Variants in TMEM63C observed in about 807,000 individuals in gnomAD.
TMEM63C encodes the protein transmembrane protein 63C, also known as osmosensitive cation channel TMEM63C.
In TMEM63C, 32 loss-of-function variants were observed where a neutral mutation model predicts 99.2. The observed-to-expected ratio is 0.32, with a 90% CI of 0.24 to 0.43. The LOEUF (loss-of-function observed/expected upper bound fraction) is 0.43. Ranked by LOEUF, TMEM63C falls within the 20% of genes least tolerant of loss-of-function variation. The pLI, the probability that TMEM63C is intolerant of heterozygous loss-of-function variation, is 1.00. For missense variants in TMEM63C, 826 were observed against 1,053.0 expected (o/e 0.78, Z 2.98); for synonymous variants, 376 against 397.9 (o/e 0.94, Z 0.66).
intron 13 of TMEM63C, among the ~76,000 whole-genome samples, 164 bp downstream of exon 13, chr14:77,240,772 G>C (rs987215582): frequency 2.6e-5 from 4 of 152,138 alleles, no homozygotes; most frequent in Admixed American, 2.0e-4. Flanking sequence ...GGCCATACCT[G>C]CTTCCCCCAG....
intron 6 of TMEM63C, among the ~76,000 whole-genome samples, chr14:77,227,652 G>A (rs1888853087): frequency 6.6e-6 from 1 of 152,218 alleles, no homozygotes; most frequent in Non-Finnish European, 1.5e-5. Context: ...GGAGGAAGAG[G>A]CATCCTCTGG....
rs759222184 is a variant in TMEM63C, at chr14:77,256,507, C to A, written c.2221-19C>A. On this transcript the variant is annotated intron_variant, in intron 23 of 23. Coordinates refer to ENST00000298351, the MANE Select transcript of TMEM63C (RefSeq NM_020431.4). ...CCCAACGTGACCTTGCTCCTGTCCC[C>A]TGTCTCTATCCCAAGCAGCTGTATG... The A allele has an allele frequency of 6.2e-7, 1 of 1,613,528 alleles. No homozygotes were observed. The highest frequency in any genetic ancestry group is 8.5e-7 in the Non-Finnish European group (1 of 1,179,764).
intron 1 of TMEM63C, among the ~76,000 whole-genome samples, chr14:77,186,271 C>T (rs747575136): frequency 1.3e-5 from 2 of 152,148 alleles, no homozygotes; most frequent in African/African-American, 2.4e-5. Context: ...TCTCAGCCTC[C>T]CAAAGTGCTG....
At chr14:77,252,713 C>T (rs1458967568) in intron 22 of TMEM63C, among the ~76,000 whole-genome samples, 2 of 152,198 alleles carry the variant, frequency 1.3e-5, no homozygotes, top group African/African-American at 2.4e-5. Context: ...AGGAGGGACT[C>T]GGAGGAGGAT....
intron 1 of TMEM63C, among the ~76,000 whole-genome samples, chr14:77,193,385 G>A (rs1290799770): frequency 1.3e-5 from 2 of 152,164 alleles, no homozygotes; most frequent in East Asian, 1.9e-4. Context: ...CCTCATATAT[G>A]TGCACAAAGA....
At chr14:77,220,116 G>A (rs920044731) in intron 5 of TMEM63C, 29 bp downstream of exon 5, 6 of 1,547,044 alleles carry the variant, frequency 3.9e-6, no homozygotes, top group African/African-American at 1.4e-5. Context: ...CTGGGCGGTG[G>A]GAGTCCCAGC....
chr14:77,239,333 C>A, intron 10 of TMEM63C, 79 bp from the exon 11 acceptor site: 2 of 1,472,226 alleles, frequency 1.4e-6, no homozygotes, highest in South Asian at 1.2e-5. Context: ...GCCCTCAGGG[C>A]CGACATGCTG....
intron 1 of TMEM63C, among the ~76,000 whole-genome samples, chr14:77,195,425 T>C (rs1344616097): frequency 6.6e-6 from 1 of 152,192 alleles, no homozygotes; most frequent in African/African-American, 2.4e-5. Flanking sequence ...TTTTCTGCCC[T>C]TTCCCAGTGT....
At chr14:77,254,795 A>G (rs1366818788) in intron 23 of TMEM63C, among the ~76,000 whole-genome samples, 1 of 152,232 alleles carries the variant, frequency 6.6e-6, no homozygotes, top group Non-Finnish European at 1.5e-5. Context: ...CTATATGAAC[A>G]TCGCACATCA....
chr14:77,204,653 C>A (rs567767163), intron 1 of TMEM63C, among the ~76,000 whole-genome samples: 1 of 152,320 alleles, frequency 6.6e-6, no homozygotes, highest in East Asian at 1.9e-4. Flanking sequence ...CCGTCTGCTA[C>A]GTCATCCCGT....
In TMEM63C at chr14:77,243,018, G is replaced by T; in HGVS notation, c.1303G>T (p.Asp435Tyr). The stretch of plus-strand genomic sequence containing the variant: ...GCCTGCCATCATCATGAACACTATC[G>T]ACATGTACAACGTCACCCGCCCCAT... ...TTPAIIMNTI[D>Y]MYNVTRPIEK... The change falls in exon 15 of 24, where the codon GAC (aspartate) becomes TAC (tyrosine). Residue 435 changes from aspartate to tyrosine, a missense_variant. Transcript: ENST00000298351. 6.2e-7 allele frequency: 1 copy of T among 1,613,748 alleles called. No individual in the cohort carries two copies. Among genetic ancestry groups the T allele is most frequent in the Non-Finnish European group, 8.5e-7 (1 of 1,179,866 alleles).
intron 1 of TMEM63C, among the ~76,000 whole-genome samples, chr14:77,199,014 G>A (rs1888254575): frequency 6.6e-6 from 1 of 152,190 alleles, no homozygotes; most frequent in African/African-American, 2.4e-5. Context: ...TTCAAATGGG[G>A]CAGATAATGA....
At chr14:77,215,169 C>T (rs923404459) in intron 2 of TMEM63C, among the ~76,000 whole-genome samples, 2 of 152,144 alleles carry the variant, frequency 1.3e-5, no homozygotes, top group Non-Finnish European at 2.9e-5. Flanking sequence ...GGCAATCCTG[C>T]TCCATTTCCG....
intron 1 of TMEM63C, among the ~76,000 whole-genome samples, chr14:77,197,045 T>C (rs1362617293): frequency 6.6e-6 from 1 of 152,190 alleles, no homozygotes; most frequent in African/African-American, 2.4e-5. Context: ...TAAGTGAGGC[T>C]TTCTTCCCTA....
chr14:77,229,971 A>C (rs1888906718), intron 6 of TMEM63C, among the ~76,000 whole-genome samples: 1 of 151,986 alleles, frequency 6.6e-6, no homozygotes, highest in African/African-American at 2.4e-5. Flanking sequence ...AGGCCGAGGC[A>C]GGCGGATCCC....
At chr14:77,194,433 CT>C (rs2140092570) in intron 1 of TMEM63C, among the ~76,000 whole-genome samples, 1 of 148,754 alleles carries the variant, frequency 6.7e-6, no homozygotes, top group Non-Finnish European at 1.5e-5. Flanking sequence ...GGAAATGATA[CT>C]TATGTTGGAG....
Position 77,229,672 on chromosome 14 carries a change from G to A in TMEM63C, c.351-1916G>A, listed in dbSNP as rs1219491930. On this transcript the variant is annotated intron_variant, in intron 6 of 23. Transcript: ENST00000298351. ...TCACCATGTTGCCCAGGCTGGTCTCGAACTGCTGGGCTCAAGCAATCCACC... is the reference window on the plus strand; with the variant it reads ...TCACCATGTTGCCCAGGCTGGTCTCAAACTGCTGGGCTCAAGCAATCCACC... Among the ~76,000 whole-genome samples, 36 of 146,664 alleles carry A rather than the reference G, an allele frequency of 2.5e-4. No individual in the cohort carries two copies. The East Asian group carries it at 6.5e-3, about 27-fold the overall frequency.
intron 15 of TMEM63C, among the ~76,000 whole-genome samples, chr14:77,244,137 ACCT>A (rs1413056900): frequency 6.6e-6 from 1 of 151,698 alleles, no homozygotes; most frequent in Non-Finnish European, 1.5e-5. Context: ...CGCTCCAGTG[ACCT>A]CAGCATAGAA....
In TMEM63C at chr14:77,256,546, G is replaced by T. The variant is rs750845891; in HGVS notation, c.2241G>T (p.Leu747=). The change falls in exon 24 of 24, where the codon CTG becomes CTT. Residue 747 remains leucine, a synonymous_variant. Transcript: ENST00000298351. ...AGCAGCTGTATGTGGCCACCGTGCT[G>T]CAAGAACCGGAGTTGAATCTGACCC... is the stretch of plus-strand genomic sequence containing the variant. ...PTSLLYVATV[L]QEPELNLTPA... 6.2e-7 allele frequency: 1 copy of T among 1,613,988 alleles called. No individual in the cohort carries two copies. Among genetic ancestry groups the T allele is most frequent in the South Asian group, 1.1e-5 (1 of 91,084 alleles).
Sources: allele counts gnomAD v4.1 joint callset (sites outside exome capture counted in the v4.1 genomes callset), GRCh38; gene constraint gnomAD v4.1.1; transcripts MANE v1.5; gene names NCBI Gene and HGNC (gene_info 2026-07-23, HGNC 2026-07-21).